MUC17: variants seen among roughly 807,000 people sequenced by gnomAD.
MUC17 encodes the protein mucin 17, cell surface associated.
A neutral mutation model predicts 170.3 loss-of-function variants in MUC17; 190 were observed. The ratio of observed to expected loss-of-function variants is 1.12; its 90% confidence interval spans 0.99 to 1.26. The LOEUF (loss-of-function observed/expected upper bound fraction) is 1.26, where lower values mean the gene tolerates loss of function less well. Among genes scored for constraint, MUC17 ranks in the 50% most tolerant of loss-of-function variants. The probability of loss-of-function intolerance (pLI) is 0.00; values close to 1 mark genes in which losing one functional copy is unlikely to be tolerated. For missense variants in MUC17, 6,415 were observed against 5,530.0 expected (o/e 1.16, Z -5.08); for synonymous variants, 2,325 against 2,002.5 (o/e 1.16, Z -4.30).
intron 1 of MUC17, among the ~76,000 whole-genome samples, chr7:101,020,956 AG>A (rs1794065857): frequency 1.3e-5 from 2 of 152,226 alleles, no homozygotes; most frequent in South Asian, 2.1e-4. Context: ...AGAAGGGCGC[AG>A]GGGAACCAAG....
At chr7:101,053,617 A>AAAAAAT (rs1211827529) in intron 11 of MUC17, 181 bp downstream of exon 11, 1 of 507,610 alleles carries the variant, frequency 2.0e-6, no homozygotes, top group Non-Finnish European at 3.5e-6. Context: ...AAAAAAAAAT[A>AAAAAAT]AAAAATAAAA....
In MUC17 at chr7:101,048,909, C is replaced by A. The variant is rs60011153; in HGVS notation, c.12600C>A (p.Thr4200=). 1 of 1,613,942 alleles carries A rather than the reference C, an allele frequency of 6.2e-7. No homozygotes were observed. Residue 4200 remains threonine (T), a synonymous_variant, in exon 5 of 13, where the codon ACC becomes ACA. Transcript: ENST00000306151. ...LTVTVTSVKF[T]EELKNHSSQE... is the part of the protein sequence containing the mutation. Reference sequence around the variant, plus strand: ...TGACAGTGACCAGTGTGAAGTTCACCGAAGAGCTAAAAAACCACTCTTCCC... The same window carrying A: ...TGACAGTGACCAGTGTGAAGTTCACAGAAGAGCTAAAAAACCACTCTTCCC...
At chr7:101,023,332 A>G (rs759862208) in intron 1 of MUC17, among the ~76,000 whole-genome samples, 1 of 152,072 alleles carries the variant, frequency 6.6e-6, no homozygotes, top group African/African-American at 2.4e-5. Flanking sequence ...ATGAGGGGAG[A>G]CCCTGCCGGG....
intron 4 of MUC17, 90 bp downstream of exon 4, chr7:101,048,205 C>G: frequency 7.6e-7 from 1 of 1,312,856 alleles, no homozygotes; most frequent in Non-Finnish European, 1.0e-6. Flanking sequence ...TGATGTGAGG[C>G]CAGGAATAGG....
At position 101,034,389 on chromosome 7, in the gene MUC17, C is replaced by G; in HGVS notation, c.2973C>G (p.Ser991Arg). 1 of 1,608,366 alleles carries G rather than the reference C, an allele frequency of 6.2e-7. No homozygotes were observed. The highest frequency in any genetic ancestry group is 8.5e-7 in the Non-Finnish European group (1 of 1,177,410). ...GTTPLTSTPV[S>R]HTLVANSEAS... ...CTCCATTAACAAGCACACCTGTCAG[C>G]CACACGCTGGTGGCCAATTCTGAGG... is the stretch of plus-strand genomic sequence containing the variant. The change falls in exon 3 of 13, where the codon AGC becomes AGG. Residue 991 changes from serine to arginine, a missense_variant. Coordinates refer to ENST00000306151, the MANE Select transcript of MUC17 (RefSeq NM_001040105.2).
intron 11 of MUC17, among the ~76,000 whole-genome samples, chr7:101,054,396 TA>T (rs1166636159): frequency 6.6e-6 from 1 of 152,168 alleles, no homozygotes; most frequent in Non-Finnish European, 1.5e-5. Flanking sequence ...TTAAAATTTC[TA>T]AAAATAGAGT....
rs1203434671 is a variant in MUC17 at position 101,035,893 on chromosome 7, A to T, written c.4477A>T (p.Ser1493Cys). ...NSPVVTSTAV[S>C]SSPTPAEGTS... is the part of the protein sequence containing the mutation. ...TCCTGTGGTCACTTCTACAGCAGTC[A>T]GTTCATCTCCTACACCTGCTGAAGG... The change falls in exon 3 of 13, where the codon AGT becomes TGT. Residue 1493 changes from serine (S) to cysteine (C), a missense_variant. Coordinates refer to ENST00000306151, the MANE Select transcript of MUC17 (RefSeq NM_001040105.2). 2.5e-6 allele frequency: 4 copies of T among 1,610,736 alleles called. No individual in the cohort carries two copies. Among genetic ancestry groups the T allele is most frequent in the Non-Finnish European group, 2.5e-6 (3 of 1,178,342 alleles).
Position 101,039,147 on chromosome 7 carries a change from A to T in MUC17, c.7731A>T (p.Arg2577Ser), listed in dbSNP as rs767393617. ...ATAGTGAAGGAAGCACTCCATTAAG[A>T]AGTATGCCTGTCAGCACCAAGCCGT... ...STYSEGSTPL[R>S]SMPVSTKPLA... Residue 2577 changes from arginine (R) to serine (S), a missense_variant, in exon 3 of 13, where the codon AGA becomes AGT. Transcript: ENST00000306151. The T allele has an allele frequency of 1.3e-5, 21 of 1,613,824 alleles. No homozygotes were observed. The highest frequency in any genetic ancestry group is 1.8e-5 in the Non-Finnish European group (21 of 1,179,962).
Position 101,039,660 on chromosome 7 carries a change from T to G in MUC17, c.8244T>G (p.Asp2748Glu). The G allele has an allele frequency of 6.4e-7, 1 of 1,571,906 alleles. No homozygotes were observed. Among genetic ancestry groups the G allele is most frequent in the Non-Finnish European group, 8.6e-7 (1 of 1,160,458 alleles). ...GCATGCGAATCTCAACTCCTAGTGATGGAAGTACTCCATTAACAAGTATAC... is the reference window on the plus strand; with the variant it reads ...GCATGCGAATCTCAACTCCTAGTGAGGGAAGTACTCCATTAACAAGTATAC... ...GTSMRISTPS[D>E]GSTPLTSILV... The change falls in exon 3 of 13, where the codon GAT becomes GAG. Residue 2748 changes from aspartate (D) to glutamate (E), a missense_variant. By Grantham distance (45) the Asp-to-Glu change is conservative. Coordinates refer to ENST00000306151, the MANE Select transcript of MUC17 (RefSeq NM_001040105.2).
intron 6 of MUC17, 142 bp from the exon 7 acceptor site, chr7:101,050,342 C>T: frequency 8.2e-7 from 1 of 1,224,804 alleles, no homozygotes. Flanking sequence ...GCCCCAAATG[C>T]CTAGGACAGA....
In MUC17 at chr7:101,042,267, TA is replaced by T. The variant is rs1562818586; in HGVS notation, c.10852del (p.Thr3618HisfsTer16). On this transcript the variant is annotated frameshift_variant, in exon 3 of 13. Transcript: ENST00000306151. LOFTEE classifies it high-confidence loss of function. ...TTSTQSNSTP[T>X]PPEVITLPMS... The stretch of plus-strand genomic sequence containing the variant: ...CTTCTACTCAGAGCAATTCTACTCC[TA>T]CACCTCCTGAAGTTATCACCCTGCC... 2.5e-6 allele frequency: 4 copies of T among 1,613,786 alleles called. No homozygotes were observed. Among genetic ancestry groups the T allele is most frequent in the Non-Finnish European group, 2.5e-6 (3 of 1,179,962 alleles).
At position 101,042,915 on chromosome 7, in the gene MUC17, C is replaced by T. The variant is rs778746528; in HGVS notation, c.11499C>T (p.Ser3833=). ...CTGTGATGAGTCCTTCTGAGGCCAG[C>T]ACACTTTCAACACCTCCTGGTGATA... ...PISVMSPSEA[S]TLSTPPGDTS... Residue 3833 remains serine (S), a synonymous_variant, in exon 3 of 13, where the codon AGC becomes AGT. Transcript: ENST00000306151. The T allele has an allele frequency of 6.2e-7, 1 of 1,613,992 alleles. No homozygotes were observed. The highest frequency in any genetic ancestry group is 1.3e-5 in the African/African-American group (1 of 74,924).
rs748616903 is a variant in MUC17, at chr7:101,041,347, C to A, written c.9931C>A (p.Pro3311Thr). The change falls in exon 3 of 13, where the codon CCT (proline) becomes ACT (threonine). Residue 3311 changes from proline to threonine, a missense_variant. Coordinates refer to ENST00000306151, the MANE Select transcript of MUC17 (RefSeq NM_001040105.2). ...LSTTPADTSTPVTTYSQASSS... is the reference protein window; with the variant it reads ...LSTTPADTSTTVTTYSQASSS... ...AACAACTCCTGCTGACACCAGCACA[C>A]CTGTGACCACTTATTCTCAAGCCAG... 1.9e-6 allele frequency: 3 copies of A among 1,611,094 alleles called. No individual in the cohort carries two copies. The Admixed American group carries it at 5.0e-5, about 27-fold the overall frequency.
intron 9 of MUC17, 127 bp downstream of exon 9, chr7:101,052,089 G>A: frequency 1.8e-6 from 2 of 1,116,236 alleles, no homozygotes; most frequent in Non-Finnish European, 2.6e-6. Context: ...TCTCCTGAAT[G>A]TGTCCAGCTG....
rs1349272863 is a variant in MUC17, at chr7:101,043,032, A to G, written c.11616A>G (p.Arg3872=). The G allele has an allele frequency of 1.9e-6, 3 of 1,614,164 alleles. No homozygotes were observed. Among genetic ancestry groups the G allele is most frequent in the Admixed American group, 3.3e-5 (2 of 60,016 alleles). The change falls in exon 3 of 13, where the codon AGA becomes AGG. Residue 3872 remains arginine (R), a synonymous_variant. Transcript: ENST00000306151. ...TACGTATTTCAATTACCAGTGAAAG[A>G]AGCACTCCATTAACAACTCTCCTTG... ...TTIRISITSE[R]STPLTTLLVS...
At chr7:101,045,341 T>A (rs879544252) in intron 3 of MUC17, among the ~76,000 whole-genome samples, 4 of 152,172 alleles carry the variant, frequency 2.6e-5, no homozygotes, top group Non-Finnish European at 4.4e-5. Flanking sequence ...CTTTGTGATT[T>A]TTTTCCTTTG....
At chr7:101,056,902 C>T (rs960154148) in intron 12 of MUC17, among the ~76,000 whole-genome samples, 1 of 151,876 alleles carries the variant, frequency 6.6e-6, no homozygotes, top group African/African-American at 2.4e-5. Flanking sequence ...TCCGTTATGT[C>T]TCTTTGGTCT....
rs775342926 is a variant in MUC17, at chr7:101,035,638, G to T, written c.4222G>T (p.Val1408Leu). Residue 1408 changes from valine to leucine, a missense_variant, in exon 3 of 13, where the codon GTA becomes TTA. Physicochemically the swap from Val to Leu is conservative, Grantham distance 32. Transcript: ENST00000306151. ...AAGTATACCTGTCAGCACCACGCCG[G>T]TAGTCAGTTCTGAGGCTAGCACCCT... Reference protein sequence around the residue: ...LTSIPVSTTPVVSSEASTLSA... With the variant: ...LTSIPVSTTPLVSSEASTLSA... 1.9e-6 allele frequency: 3 copies of T among 1,612,442 alleles called. No individual in the cohort carries two copies. The highest frequency in any genetic ancestry group is 1.7e-5 in the Admixed American group (1 of 59,970).
chr7:101,032,741 T>C lies in MUC17; in HGVS notation c.1325T>C (p.Ile442Thr), dbSNP rs1794328684. The C allele has an allele frequency of 6.2e-7, 1 of 1,613,768 alleles. No individual in the cohort carries two copies. The highest frequency in any genetic ancestry group is 2.2e-5 in the East Asian group (1 of 44,836). Residue 442 changes from isoleucine (I) to threonine (T), a missense_variant, in exon 3 of 13, where the codon ATT becomes ACT. Ile to Thr is a moderately conservative substitution (Grantham distance 89). Transcript: ENST00000306151. Reference protein sequence around the residue: ...SSPTTAEDTSIATSTPSEGST... With the variant: ...SSPTTAEDTSTATSTPSEGST... ...CCCACAACTGCTGAAGATACCAGCATTGCAACCTCAACTCCTAGTGAAGGA... is the reference window on the plus strand; with the variant it reads ...CCCACAACTGCTGAAGATACCAGCACTGCAACCTCAACTCCTAGTGAAGGA...
Sources: allele counts gnomAD v4.1 joint callset (sites outside exome capture counted in the v4.1 genomes callset), GRCh38; gene constraint gnomAD v4.1.1; transcripts MANE v1.5; gene names NCBI Gene and HGNC (gene_info 2026-07-23, HGNC 2026-07-21).